Variants in TBX20 observed in about 807,000 individuals in gnomAD.
TBX20 encodes T-box transcription factor 20.
Under a neutral mutation model 42.9 loss-of-function variants are expected in TBX20, and 8 were observed. That is an observed-to-expected ratio of 0.19 (90% confidence interval 0.11 to 0.34). The LOEUF (loss-of-function observed/expected upper bound fraction) is 0.34, where lower values mean the gene tolerates loss of function less well. Ranked by LOEUF, TBX20 falls within the 10% of genes least tolerant of loss-of-function variation. The pLI, the probability that TBX20 is intolerant of heterozygous loss-of-function variation, is 1.00. For synonymous variants in TBX20, 198 were observed against 222.8 expected, an observed-to-expected ratio of 0.89 and a Z score of 0.99; for missense variants, 411 against 566.0, an observed-to-expected ratio of 0.73 and a Z score of 2.78.
At chr7:35,211,820 T>C (rs367772440) in intron 6 of TBX20, among the ~76,000 whole-genome samples, 1 of 152,220 alleles carries the variant, frequency 6.6e-6, no homozygotes, top group African/African-American at 2.4e-5. Flanking sequence ...GTTCCTCTTA[T>C]GTAATACGTC....
chr7:35,218,550 C>T (rs1326620777), intron 6 of TBX20, among the ~76,000 whole-genome samples: 1 of 152,000 alleles, frequency 6.6e-6, no homozygotes, highest in Admixed American at 6.5e-5. Flanking sequence ...CCAGGGTACA[C>T]TTTAGTATAT....
At position 35,253,508 on chromosome 7, in the gene TBX20, G is replaced by C; in HGVS notation, c.113C>G (p.Thr38Arg). The change falls in exon 1 of 8, where the codon ACA becomes AGA. Residue 38 changes from threonine (T) to arginine (R), a missense_variant. By Grantham distance (71) the Thr-to-Arg change is moderately conservative. Coordinates refer to ENST00000408931, the MANE Select transcript of TBX20 (RefSeq NM_001077653.2). Reference protein sequence around the residue: ...GSKEKEATENTIKPLEQFVEK... With the variant: ...GSKEKEATENRIKPLEQFVEK... ...GCCCAACTTACCCAGGGGTTTGATT[G>C]TGTTCTCCGTCGCCTCCTTCTCCTT... 2.5e-6 allele frequency: 4 copies of C among 1,611,458 alleles called. No homozygotes were observed. Among genetic ancestry groups the C allele is most frequent in the Non-Finnish European group, 3.4e-6 (4 of 1,179,362 alleles).
At chr7:35,237,340 A>G (rs920706839) in intron 5 of TBX20, among the ~76,000 whole-genome samples, 1 of 151,520 alleles carries the variant, frequency 6.6e-6, no homozygotes, top group Non-Finnish European at 1.5e-5. Context: ...GAGGGGGTTT[A>G]GGGGCAGTTG....
rs540565352 is a variant in TBX20, at chr7:35,250,107, G to T, written c.224C>A (p.Pro75Gln). Residue 75 changes from proline to glutamine, a missense_variant, in exon 2 of 8, where the codon CCG becomes CAG. Around this residue, in one of 5 missense-constraint regions of TBX20, gnomAD observed 114 missense variants for 128.0 expected, o/e 0.89. Transcript: ENST00000408931. ...CTCAGTGCACAGAGAGGAGGAGGAC[G>T]GGCTGCTGCCACTGCCTCCACCAAA... ...GEFGGGSGSS[P>Q]SSSSLCTEPL... The T allele has an allele frequency of 6.2e-7, 1 of 1,613,576 alleles. No homozygotes were observed. Among genetic ancestry groups the T allele is most frequent in the Non-Finnish European group, 8.5e-7 (1 of 1,179,820 alleles).
intron 3 of TBX20, among the ~76,000 whole-genome samples, chr7:35,245,382 C>T (rs569619552): frequency 1.9e-4 from 29 of 150,030 alleles, no homozygotes; most frequent in African/African-American, 6.9e-4. Flanking sequence ...TGGTCTGCTT[C>T]GATCAAACGC....
intron 7 of TBX20, 145 bp from the exon 8 acceptor site, chr7:35,202,915 G>A (rs529461529): frequency 1.8e-5 from 26 of 1,447,486 alleles, no homozygotes; most frequent in Admixed American, 8.3e-5. Context: ...GATCTGTCAC[G>A]AGGCAAATCT....
chr7:35,207,656 T>C (rs924056130), intron 6 of TBX20, among the ~76,000 whole-genome samples: 5 of 152,238 alleles, frequency 3.3e-5, no homozygotes, highest in African/African-American at 1.2e-4. Context: ...GAGTTAATTT[T>C]ATATATGAAT....
intron 6 of TBX20, among the ~76,000 whole-genome samples, chr7:35,225,707 C>T (rs1469177569): frequency 1.3e-5 from 2 of 152,254 alleles, no homozygotes; most frequent in East Asian, 1.9e-4. Flanking sequence ...GTAAAGATAT[C>T]GATTTTCCCT....
chr7:35,241,975 G>C (rs1008352960), intron 4 of TBX20, among the ~76,000 whole-genome samples: 1 of 152,104 alleles, frequency 6.6e-6, no homozygotes, highest in Non-Finnish European at 1.5e-5. Context: ...ATGTCTTTCC[G>C]GGGATGAGAG....
chr7:35,253,006 G>A (rs1318513136), intron 1 of TBX20, among the ~76,000 whole-genome samples: 1 of 152,236 alleles, frequency 6.6e-6, no homozygotes, highest in Non-Finnish European at 1.5e-5. Flanking sequence ...GGTTCGTGTA[G>A]GGAGAACTGG....
At chr7:35,236,422 T>C (rs1367284111) in intron 5 of TBX20, among the ~76,000 whole-genome samples, 2 of 152,294 alleles carry the variant, frequency 1.3e-5, no homozygotes, top group African/African-American at 2.4e-5. Flanking sequence ...CTGCAGGATA[T>C]ATTATTGTAT....
At chr7:35,235,126 T>A (rs1789938988) in intron 5 of TBX20, among the ~76,000 whole-genome samples, 1 of 152,032 alleles carries the variant, frequency 6.6e-6, no homozygotes, top group African/African-American at 2.4e-5. Flanking sequence ...AATTTTAAGA[T>A]AAAATAATTT....
Position 35,245,026 on chromosome 7 carries a change from C to T in TBX20, c.577G>A (p.Gly193Ser), listed in dbSNP as rs766895072. 1.1e-5 allele frequency: 17 copies of T among 1,613,256 alleles called. No homozygotes were observed. Among genetic ancestry groups the T allele is most frequent in the South Asian group, 6.6e-5 (6 of 90,992 alleles). The change falls in exon 4 of 8, where the codon GGT becomes AGT. Residue 193 changes from glycine (G) to serine (S), a missense_variant. This residue lies in a region of TBX20 where 121 missense variants were observed against 165.9 expected (regional missense o/e 0.73). Coordinates refer to ENST00000408931, the MANE Select transcript of TBX20 (RefSeq NM_001077653.2). ...LYVHPDSPFT[G>S]EQLLKQMVSF... Reference sequence around the variant, plus strand: ...ACCATCTGTTTGAGTAGTTGCTCACCGGTAAAAGGAGAATCTGGATGCACA... The same window carrying T: ...ACCATCTGTTTGAGTAGTTGCTCACTGGTAAAAGGAGAATCTGGATGCACA...
chr7:35,240,692 C>T (rs548714228), intron 5 of TBX20, among the ~76,000 whole-genome samples, 187 bp downstream of exon 5: 2 of 152,032 alleles, frequency 1.3e-5, no homozygotes, highest in African/African-American at 4.8e-5. Context: ...TGTAGAGATT[C>T]TAGAAACTAT....
chr7:35,218,706 C>T (rs1054760353), intron 6 of TBX20, among the ~76,000 whole-genome samples: 3 of 151,978 alleles, frequency 2.0e-5, no homozygotes, highest in African/African-American at 7.2e-5. Flanking sequence ...AATTTACACT[C>T]CTTGATTTCT....
At chr7:35,212,999 C>T (rs910948026) in intron 6 of TBX20, among the ~76,000 whole-genome samples, 3 of 152,134 alleles carry the variant, frequency 2.0e-5, no homozygotes, top group Non-Finnish European at 4.4e-5. Flanking sequence ...GCAAACTCAG[C>T]TCTGACCTCT....
rs190314518 is a variant in TBX20, at chr7:35,234,121, T to C, written c.814-2541A>G. ...TTCTACAGACAACAGATAATATATCTGATAAAAAATTCATTTTGAAAGAAC... is the reference window on the plus strand; with the variant it reads ...TTCTACAGACAACAGATAATATATCCGATAAAAAATTCATTTTGAAAGAAC... On this transcript the variant is annotated intron_variant, in intron 5 of 7. Coordinates refer to ENST00000408931, the MANE Select transcript of TBX20 (RefSeq NM_001077653.2). Among the ~76,000 whole-genome samples, 1,087 of 152,332 alleles carry C rather than the reference T, an allele frequency of 7.1e-3. 11 individuals carry two copies. Among genetic ancestry groups the C allele is most frequent in the African/African-American group, 0.024 (1,013 of 41,584 alleles).
intron 6 of TBX20, among the ~76,000 whole-genome samples, chr7:35,213,478 ATTAT>A (rs1442685034): frequency 1.3e-5 from 2 of 152,192 alleles, no homozygotes; most frequent in African/African-American, 4.8e-5. Context: ...GGATGTATGT[ATTAT>A]TTATTTAAAA....
intron 6 of TBX20, among the ~76,000 whole-genome samples, chr7:35,220,805 A>G (rs1789669521): frequency 6.6e-6 from 1 of 152,236 alleles, no homozygotes; most frequent in Non-Finnish European, 1.5e-5. Flanking sequence ...TATTGCAAGA[A>G]ACAGAAGGAC....
Sources: gnomAD v4.1 joint callset for allele counts (sites outside exome capture counted in the v4.1 genomes callset) on GRCh38, gnomAD v4.1.1 for gene constraint, gnomAD v4.1.1 regional missense constraint, MANE v1.5 for transcripts, NCBI Gene and HGNC (gene_info 2026-07-23, HGNC 2026-07-21) for gene names.